Variants in FBXW8 observed in about 807,000 individuals in gnomAD.
FBXW8 encodes the protein F-box/WD repeat-containing protein 8.
Under a neutral mutation model 65.3 loss-of-function variants are expected in FBXW8, and 57 were observed. That is an observed-to-expected ratio of 0.87 (90% confidence interval 0.71 to 1.09). FBXW8 has a LOEUF of 1.09. Ranked by LOEUF, FBXW8 falls within the 50% of genes least tolerant of loss-of-function variation. FBXW8 has a pLI of 0.00. For synonymous variants in FBXW8, 308 were observed against 330.2 expected (o/e 0.93, Z 0.73); for missense variants, 777 against 814.8 (o/e 0.95, Z 0.57).
chr12:117,024,955 C>T (rs1954190166), intron 9 of FBXW8, among the ~76,000 whole-genome samples: 1 of 152,204 alleles, frequency 6.6e-6, no homozygotes, highest in African/African-American at 2.4e-5. Context: ...CTGATGGCGT[C>T]ACAGAGGTAG....
At chr12:116,932,811 C>T (rs1462717811) in intron 2 of FBXW8, among the ~76,000 whole-genome samples, 8 of 152,202 alleles carry the variant, frequency 5.3e-5, no homozygotes, top group Admixed American at 5.2e-4. Context: ...GGATTACAGG[C>T]GTGAGCCACT....
Position 116,985,347 on chromosome 12 carries a change from C to T in FBXW8, c.977C>T (p.Ser326Phe). The T allele has an allele frequency of 1.2e-6, 2 of 1,614,146 alleles. No individual in the cohort carries two copies. The highest frequency in any genetic ancestry group is 1.7e-6 in the Non-Finnish European group (2 of 1,180,022). ...TCTGCTTTTGATGTCGTGATGTTAT[C>T]CCCCAATGAGGAGGGGTACTGGCAG... ...TASAFDVVMLSPNEEGYWQIA... is the reference protein window; with the variant it reads ...TASAFDVVMLFPNEEGYWQIA... The change falls in exon 6 of 11, where the codon TCC becomes TTC. Residue 326 changes from serine to phenylalanine, a missense_variant. Transcript: ENST00000652555.
chr12:116,913,275 A>G (rs1008620090), intron 1 of FBXW8, among the ~76,000 whole-genome samples: 8 of 152,238 alleles, frequency 5.3e-5, no homozygotes, highest in African/African-American at 1.9e-4. Context: ...AGGTATAGGC[A>G]TTGATGCCAA....
chr12:117,008,710 G>C (rs1437042096), intron 7 of FBXW8, among the ~76,000 whole-genome samples: 1 of 152,172 alleles, frequency 6.6e-6, no homozygotes, highest in East Asian at 1.9e-4. Context: ...TCTGTATCGT[G>C]GTAAGTGATA....
intron 5 of FBXW8, among the ~76,000 whole-genome samples, chr12:116,976,114 A>G (rs992413312): frequency 2.0e-5 from 3 of 152,250 alleles, no homozygotes; most frequent in Non-Finnish European, 4.4e-5. Flanking sequence ...AATTATTTCA[A>G]AATCAAAAAA....
intron 8 of FBXW8, among the ~76,000 whole-genome samples, chr12:117,017,936 G>A (rs1354289131): frequency 6.6e-6 from 1 of 152,192 alleles, no homozygotes; most frequent in African/African-American, 2.4e-5. Context: ...ATAAAGTTGT[G>A]TGCTGTGCTC....
chr12:116,993,191 C>T (rs893971289), intron 7 of FBXW8, among the ~76,000 whole-genome samples: 1 of 143,674 alleles, frequency 7.0e-6, no homozygotes, highest in Non-Finnish European at 1.5e-5. Flanking sequence ...GCAACATCCA[C>T]TGAGCGGGTT....
In FBXW8 at chr12:116,936,411, C is replaced by A. The variant is rs751773929; in HGVS notation, c.423+8284C>A. Among the ~76,000 whole-genome samples, 1 of 152,152 alleles carries A rather than the reference C, an allele frequency of 6.6e-6. No individual in the cohort carries two copies. Among genetic ancestry groups the A allele is most frequent in the South Asian group, 2.1e-4 (1 of 4,824 alleles). On this transcript the variant is annotated intron_variant, in intron 2 of 10. Transcript: ENST00000652555. The surrounding 1 kb of genome is among the most constrained non-coding windows in gnomAD (Gnocchi z 4.6). ...CAGTATGTTACCTTTCATGATAAAA[C>A]GCCCTTTGCCGATGTGATTAGGTTA...
chr12:116,950,553 T>G (rs980848051), intron 4 of FBXW8: 1 of 152,236 alleles, frequency 6.6e-6, no homozygotes, highest in Non-Finnish European at 1.5e-5. Flanking sequence ...TTAAGCAGCA[T>G]TCCTTAAAGA....
At chr12:116,972,899 TC>T (rs1884722508) in intron 5 of FBXW8, among the ~76,000 whole-genome samples, 1 of 151,918 alleles carries the variant, frequency 6.6e-6, no homozygotes, top group African/African-American at 2.4e-5. Flanking sequence ...AGTATCACTA[TC>T]TACTAAAAGG....
At chr12:116,992,509 A>G (rs1953267797) in intron 7 of FBXW8, among the ~76,000 whole-genome samples, 1 of 150,752 alleles carries the variant, frequency 6.6e-6, no homozygotes, top group Non-Finnish European at 1.5e-5. Flanking sequence ...TATAGTGGGG[A>G]AGCTTGTGCT....
chr12:117,024,077 G>A, intron 8 of FBXW8, 70 bp from the exon 9 acceptor site: 1 of 1,528,308 alleles, frequency 6.5e-7, no homozygotes, highest in South Asian at 1.2e-5. Context: ...CACCGTGGAG[G>A]GGGAGTTTGT....
rs548714247 is a variant in FBXW8, at chr12:116,988,353, T to C, written c.1033-310T>C. Among the ~76,000 whole-genome samples the C allele has an allele frequency of 5.7e-4, 87 of 152,326 alleles. 1 individual carries two copies. In the Middle Eastern group the frequency reaches 0.01, roughly 18 times the overall value. Reference sequence around the variant, plus strand: ...GATCCAGAAACATGGAACATGGTTTTCCCTCCTTCACTTCCAGCCCAGGGT... The same window carrying C: ...GATCCAGAAACATGGAACATGGTTTCCCCTCCTTCACTTCCAGCCCAGGGT... On this transcript the variant is annotated intron_variant, in intron 6 of 10. Coordinates refer to ENST00000652555, the MANE Select transcript of FBXW8 (RefSeq NM_153348.3).
chr12:116,941,311 T>C (rs1256698235), intron 2 of FBXW8, among the ~76,000 whole-genome samples: 1 of 152,234 alleles, frequency 6.6e-6, no homozygotes, highest in Admixed American at 6.5e-5. Flanking sequence ...CACTGGAGAC[T>C]GAGACAGCGT....
In FBXW8 at chr12:116,949,677, G is replaced by C. The variant is rs771554969; in HGVS notation, c.648G>C (p.Val216=). 7 of 1,614,068 alleles carry C rather than the reference G, an allele frequency of 4.3e-6. No homozygotes were observed. Among genetic ancestry groups the C allele is most frequent in the Non-Finnish European group, 5.9e-6 (7 of 1,180,030 alleles). Residue 216 remains valine, a synonymous_variant, in exon 4 of 11, where the codon GTG becomes GTC. Coordinates refer to ENST00000652555, the MANE Select transcript of FBXW8 (RefSeq NM_153348.3). Reference sequence around the variant, plus strand: ...TTCCTGACACAGTTTTGTGTGATGTGCATTCTCACGATGGTGTGGTCATTG... The same window carrying C: ...TTCCTGACACAGTTTTGTGTGATGTCCATTCTCACGATGGTGTGGTCATTG... ...EHVPDTVLCD[V]HSHDGVVIAG...
intron 4 of FBXW8, among the ~76,000 whole-genome samples, chr12:116,953,439 C>T (rs1883412014): frequency 6.6e-6 from 1 of 152,182 alleles, no homozygotes; most frequent in Non-Finnish European, 1.5e-5. Flanking sequence ...ATTATAGCAT[C>T]ATTTTGGTTT....
chr12:116,968,930 T>C (rs1015832159), intron 5 of FBXW8, among the ~76,000 whole-genome samples: 6 of 152,216 alleles, frequency 3.9e-5, no homozygotes, highest in Non-Finnish European at 7.3e-5. Context: ...TAGCATGCAG[T>C]ATGGTTCCAA....
At chr12:116,993,098 CTTTTTTTTTTTTTT>C (rs71099026) in intron 7 of FBXW8, among the ~76,000 whole-genome samples, 10 of 85,420 alleles carry the variant, frequency 1.2e-4, no homozygotes, top group African/African-American at 4.6e-4. Context: ...TGATTTTTGA[CTTTTTTTTTTTTTT>C]TTTTTTTTTG....
Position 116,964,784 on chromosome 12 carries a change from G to A in FBXW8, c.765G>A (p.Glu255=). Residue 255 remains glutamate, a synonymous_variant, in exon 5 of 11, where the codon GAG becomes GAA. Coordinates refer to ENST00000652555, the MANE Select transcript of FBXW8 (RefSeq NM_153348.3). ...TGGAATCAGAGGACGAGGAGGATGA[G>A]CCTGGAATGCAGCCAAATGTCTCCT... The part of the protein sequence containing the change: ...PFLESEDEED[E]PGMQPNVSFV... 1 of 1,613,392 alleles carries A rather than the reference G, an allele frequency of 6.2e-7. No homozygotes were observed. Among genetic ancestry groups the A allele is most frequent in the Non-Finnish European group, 8.5e-7 (1 of 1,179,994 alleles).
Sources: gnomAD v4.1 joint callset for allele counts (sites outside exome capture counted in the v4.1 genomes callset) on GRCh38, gnomAD v4.1.1 for gene constraint, Gnocchi (gnomAD v3.1) non-coding constraint, MANE v1.5 for transcripts, NCBI Gene and HGNC (gene_info 2026-07-23, HGNC 2026-07-21) for gene names.